GPRIN3: variants seen among roughly 807,000 people sequenced by gnomAD.
GPRIN3 encodes GPRIN family member 3, also known as G protein-regulated inducer of neurite outgrowth 3.
Under a neutral mutation model 13.7 loss-of-function variants are expected in GPRIN3, and 12 were observed. The observed-to-expected ratio is 0.87, with a 90% CI of 0.56 to 1.42. The LOEUF (loss-of-function observed/expected upper bound fraction) is 1.42. GPRIN3 is among the 40% of genes most tolerant of loss of function. The pLI is 0.00. For synonymous variants in GPRIN3, 377 were observed against 372.7 expected, an observed-to-expected ratio of 1.01 and a Z score of -0.13; for missense variants, 1,009 against 958.7, an observed-to-expected ratio of 1.05 and a Z score of -0.69.
At chr4:89,291,140 G>A (rs536232577) in intron 1 of GPRIN3, among the ~76,000 whole-genome samples, 4 of 152,074 alleles carry the variant, frequency 2.6e-5, no homozygotes, top group Non-Finnish European at 5.9e-5. Context: ...CTCAGAACTA[G>A]GAGGACGCTA....
intron 1 of GPRIN3, among the ~76,000 whole-genome samples, chr4:89,286,691 T>C (rs918551796): frequency 1.1e-4 from 17 of 152,184 alleles, no homozygotes; most frequent in African/African-American, 4.1e-4. Context: ...CAATTACTGA[T>C]AGGGAAGATA....
At chr4:89,292,658 A>G (rs184384383) in intron 1 of GPRIN3, among the ~76,000 whole-genome samples, 52 of 152,360 alleles carry the variant, frequency 3.4e-4, no homozygotes, top group African/African-American at 1.2e-3. Context: ...TAAATGCTAT[A>G]GCCATTTATT....
At chr4:89,263,615 G>T (rs1281100451) in intron 1 of GPRIN3, among the ~76,000 whole-genome samples, 2 of 152,142 alleles carry the variant, frequency 1.3e-5, no homozygotes, top group Non-Finnish European at 2.9e-5. Flanking sequence ...AATTGCCTGT[G>T]AGCCTGAATT....
At position 89,307,694 on chromosome 4, in the gene GPRIN3, C is replaced by T. The variant is rs541076971; in HGVS notation, c.-203G>A. The T allele has an allele frequency of 3.3e-5, 5 of 152,316 alleles. No homozygotes were observed. The East Asian group carries it at 9.7e-4, about 30-fold the overall frequency. 9.4% of individuals were successfully genotyped at this position (152,316 alleles called of 1,614,324 possible). A position where few individuals can be genotyped will look rare whatever the true frequency, so the allele number is the denominator to read the frequency against. On this transcript the variant is annotated 5_prime_UTR_variant, in exon 1 of 2. Transcript: ENST00000609438. ...GCTTCCCGTCGCATATCCCAAGCAC[C>T]GTCTCTCGGCGCCACACCGATGGCT...
Position 89,297,315 on chromosome 4 carries a change from T to C in GPRIN3, c.-124+10300A>G, listed in dbSNP as rs188959382. Among the ~76,000 whole-genome samples the C allele has an allele frequency of 3.0e-3, 454 of 152,314 alleles. 20 individuals are homozygous for C. The South Asian group carries it at 0.077, about 26-fold the overall frequency. ...TCATTTCCTTTGGAAAGTAGATGGA[T>C]ATATATGGAGACATGTATTAGGGTT... On this transcript the variant is annotated intron_variant, in intron 1 of 1. Coordinates refer to ENST00000609438, the MANE Select transcript of GPRIN3 (RefSeq NM_198281.3).
chr4:89,270,485 T>C (rs1324188023), intron 1 of GPRIN3, among the ~76,000 whole-genome samples: 1 of 148,398 alleles, frequency 6.7e-6, no homozygotes, highest in Non-Finnish European at 1.5e-5. Flanking sequence ...TGTATGTATT[T>C]ACCATATTTG....
chr4:89,249,752 T>A lies in GPRIN3; in HGVS notation c.359A>T (p.Asp120Val). ...ASAPSSAAGR[D>V]LIHTPLTMPA... is the part of the protein sequence containing the mutation. ...CATTGTCAATGGTGTGTGTATAAGATCCCTTCCTGCTGCAGAACTCGGGGC... is the reference window on the plus strand; with the variant it reads ...CATTGTCAATGGTGTGTGTATAAGAACCCTTCCTGCTGCAGAACTCGGGGC... The change falls in exon 2 of 2, where the codon GAT becomes GTT. Residue 120 changes from aspartate to valine, a missense_variant. Coordinates refer to ENST00000609438, the MANE Select transcript of GPRIN3 (RefSeq NM_198281.3). 1 of 1,614,140 alleles carries A rather than the reference T, an allele frequency of 6.2e-7. No homozygotes were observed. Among genetic ancestry groups the A allele is most frequent in the Non-Finnish European group, 8.5e-7 (1 of 1,180,008 alleles).
chr4:89,249,325 A>G lies in GPRIN3; in HGVS notation c.786T>C (p.Ser262=), dbSNP rs753637474. Residue 262 remains serine (S), a synonymous_variant, in exon 2 of 2, where the codon TCT becomes TCC. Coordinates refer to ENST00000609438, the MANE Select transcript of GPRIN3 (RefSeq NM_198281.3). ...VTASGPQGTT[S]VTPQPTPLTS... is the part of the protein sequence containing the mutation. ...TGAGGGGGGTTGGTTGAGGTGTCAC[A>G]GAAGTTGTGCCTTGGGGGCCCGAGG... The G allele has an allele frequency of 3.1e-6, 5 of 1,614,144 alleles. No homozygotes were observed. In the South Asian group the frequency reaches 4.4e-5, roughly 14 times the overall value.
At chr4:89,255,249 C>T (rs1723435846) in intron 1 of GPRIN3, among the ~76,000 whole-genome samples, 2 of 152,174 alleles carry the variant, frequency 1.3e-5, no homozygotes, top group Admixed American at 1.3e-4. Flanking sequence ...CCTCTCAGGG[C>T]CCCAGTTTAA....
intron 1 of GPRIN3, among the ~76,000 whole-genome samples, chr4:89,277,633 C>A (rs1393506700): frequency 1.3e-5 from 2 of 152,218 alleles, no homozygotes; most frequent in Admixed American, 6.5e-5. Context: ...TTTTCATCCT[C>A]TGCCTTTGGG....
rs1561165901 is a variant in GPRIN3, at chr4:89,243,305, AC to A, written c.*4474del. Reference sequence around the variant, plus strand: ...GACATCCTTAAGCCCATGTGTCTGGACAGATGACATTTGTAATTGCTCAGCC... The same window carrying A: ...GACATCCTTAAGCCCATGTGTCTGGAAGATGACATTTGTAATTGCTCAGCC... On this transcript the variant is annotated 3_prime_UTR_variant, in exon 2 of 2. Transcript: ENST00000609438. The A allele has an allele frequency of 2.0e-5, 3 of 152,160 alleles. No individual in the cohort carries two copies. Among genetic ancestry groups the A allele is most frequent in the African/African-American group, 7.2e-5 (3 of 41,428 alleles). The allele number at this position is 152,160 out of a possible 1,614,324, so 9.4% of individuals were successfully genotyped here.
rs946472204 is a variant in GPRIN3, at chr4:89,296,421, A to G, written c.-124+11194T>C. On this transcript the variant is annotated intron_variant, in intron 1 of 1. Coordinates refer to ENST00000609438, the MANE Select transcript of GPRIN3 (RefSeq NM_198281.3). Reference sequence around the variant, plus strand: ...CATTAGAACTACAGTTTTAAGAAGGAATTTGTCTGAAATAGGCCTCCTGTG... The same window carrying G: ...CATTAGAACTACAGTTTTAAGAAGGGATTTGTCTGAAATAGGCCTCCTGTG... Among the ~76,000 whole-genome samples, 4 of 152,184 alleles carry G rather than the reference A, an allele frequency of 2.6e-5. No individual in the cohort carries two copies. The East Asian group carries it at 5.8e-4, about 22-fold the overall frequency.
chr4:89,302,837 A>G (rs1245258537), intron 1 of GPRIN3, among the ~76,000 whole-genome samples: 2 of 152,182 alleles, frequency 1.3e-5, no homozygotes, highest in African/African-American at 4.8e-5. Flanking sequence ...TGATATGGAT[A>G]AGAAAGAGGT....
Position 89,248,004 on chromosome 4 carries a change from CT to C in GPRIN3, c.2106del (p.Glu703SerfsTer21). ...TWEVYGASLD[A>X]ESLGIAIQNH... ...TTCTGGATCGCGATTCCCAGGGACT[CT>C]GCGTCCAAGGATGCACCATACACTT... On this transcript the variant is annotated frameshift_variant, in exon 2 of 2. Coordinates refer to ENST00000609438, the MANE Select transcript of GPRIN3 (RefSeq NM_198281.3). LOFTEE classifies it high-confidence loss of function. 6.2e-7 allele frequency: 1 copy of C among 1,614,116 alleles called. No homozygotes were observed. The highest frequency in any genetic ancestry group is 1.1e-5 in the South Asian group (1 of 91,088).
rs545263812 is a variant in GPRIN3 at position 89,266,913 on chromosome 4, C to T, written c.-123-16680G>A. Reference sequence around the variant, plus strand: ...TCATTTTTATAGTTCTTAATTTTTACTAATTTTTGATATATCAATTAATTG... The same window carrying T: ...TCATTTTTATAGTTCTTAATTTTTATTAATTTTTGATATATCAATTAATTG... On this transcript the variant is annotated intron_variant, in intron 1 of 1. Coordinates refer to ENST00000609438, the MANE Select transcript of GPRIN3 (RefSeq NM_198281.3). 1.4e-4 allele frequency among the ~76,000 whole-genome samples: 21 copies of T among 152,156 alleles called. No individual in the cohort carries two copies. In the South Asian group the frequency reaches 3.9e-3, roughly 29 times the overall value.
chr4:89,248,503 C>A lies in GPRIN3; in HGVS notation c.1608G>T (p.Arg536Ser), dbSNP rs771644857. 3.7e-6 allele frequency: 6 copies of A among 1,612,776 alleles called. No individual in the cohort carries two copies. The Admixed American group carries it at 5.0e-5, about 13-fold the overall frequency. Reference protein sequence around the residue: ...SLDPTNKGDAREKKPASPQVV... With the variant: ...SLDPTNKGDASEKKPASPQVV... ...CCTGAGGAGATGCAGGCTTCTTTTC[C>A]CTTGCATCTCCTTTATTAGTGGGAT... The change falls in exon 2 of 2, where the codon AGG (arginine) becomes AGT (serine). Residue 536 changes from arginine (R) to serine (S), a missense_variant. Coordinates refer to ENST00000609438, the MANE Select transcript of GPRIN3 (RefSeq NM_198281.3).
intron 1 of GPRIN3, among the ~76,000 whole-genome samples, chr4:89,254,943 T>G (rs542801003): frequency 1.8e-4 from 27 of 152,190 alleles, no homozygotes; most frequent in Admixed American, 5.9e-4. Context: ...CATTTCCACA[T>G]GGCAACCACT....
intron 1 of GPRIN3, among the ~76,000 whole-genome samples, chr4:89,272,664 C>A (rs1014069154): frequency 6.6e-6 from 1 of 152,074 alleles, no homozygotes; most frequent in Admixed American, 6.6e-5. Flanking sequence ...TGTGAATCAG[C>A]TACACCAGTG....
intron 1 of GPRIN3, among the ~76,000 whole-genome samples, chr4:89,261,626 CAGGTACT>C (rs747361937): frequency 6.6e-6 from 1 of 152,168 alleles, no homozygotes; most frequent in African/African-American, 2.4e-5. Context: ...AATTCCACCT[CAGGTACT>C]AATGTTGTAA....
Sources: gnomAD v4.1 joint callset for allele counts (sites outside exome capture counted in the v4.1 genomes callset) on GRCh38, gnomAD v4.1.1 for gene constraint, MANE v1.5 for transcripts, NCBI Gene and HGNC (gene_info 2026-07-23, HGNC 2026-07-21) for gene names.